The following ZC3H12B variants were observed in gnomAD, a reference collection of about 807,000 sequenced individuals.
The protein encoded by ZC3H12B is zinc finger CCCH-type containing 12B.
A neutral mutation model predicts 43.9 loss-of-function variants in ZC3H12B; 7 were observed. That is an observed-to-expected ratio of 0.16 (90% CI 0.09 to 0.30). The LOEUF (loss-of-function observed/expected upper bound fraction) is 0.30, where lower values mean the gene tolerates loss of function less well. Among genes scored for constraint, ZC3H12B ranks in the 10% least tolerant of loss-of-function variants. The pLI, the probability that ZC3H12B is intolerant of heterozygous loss-of-function variation, is 1.00. For missense variants in ZC3H12B, 475 were observed against 670.2 expected, an observed-to-expected ratio of 0.71 and a Z score of 3.22; for synonymous variants, 222 against 241.7, an observed-to-expected ratio of 0.92 and a Z score of 0.76.
the ZC3H12B span, among the ~76,000 whole-genome samples, chrX:65,267,275 C>G: frequency 2.0e-5 from 2 of 99,676 alleles, no homozygotes; most frequent in East Asian, 6.2e-4. Context: ...GCTGACAAAA[C>G]ACAGTATTCA....
At chrX:65,160,368 T>A in the ZC3H12B span, among the ~76,000 whole-genome samples, 20 of 111,746 alleles carry the variant, frequency 1.8e-4, no homozygotes, top group Non-Finnish European at 3.4e-4. Flanking sequence ...CTGGTAGAAT[T>A]CGGCTGTGAA....
At chrX:65,298,300 A>G in the ZC3H12B span, among the ~76,000 whole-genome samples, 1 of 112,139 alleles carries the variant, frequency 8.9e-6, no homozygotes, top group Non-Finnish European at 1.9e-5. Context: ...CAAATTACCA[A>G]GAAAAAAGAA....
the ZC3H12B span, among the ~76,000 whole-genome samples, chrX:65,171,729 G>A: frequency 9.0e-6 from 1 of 110,910 alleles, no homozygotes. Context: ...AACTACTCAA[G>A]CCTCAGCAAT....
At chrX:65,393,109 C>T (rs370804881) in intron 2 of ZC3H12B, among the ~76,000 whole-genome samples, 17 of 110,956 alleles carry the variant, frequency 1.5e-4, no homozygotes, top group South Asian at 1.2e-3. Context: ...ACAAACACTG[C>T]GGAAGGCCAC....
chrX:65,279,062 G>A, the ZC3H12B span, among the ~76,000 whole-genome samples: 5 of 110,709 alleles, frequency 4.5e-5, no homozygotes, highest in South Asian at 1.9e-3. Context: ...CATTTAGATT[G>A]ATTCCATTCC....
At chrX:65,317,441 C>G in the ZC3H12B span, among the ~76,000 whole-genome samples, 1 of 109,845 alleles carries the variant, frequency 9.1e-6, no homozygotes, top group South Asian at 3.9e-4. Flanking sequence ...AGAGTAAGTT[C>G]TTTAGCTGTG....
chrX:65,388,037 T>G (rs1205985482), intron 2 of ZC3H12B, among the ~76,000 whole-genome samples: 3 of 112,258 alleles, frequency 2.7e-5, no homozygotes, highest in Non-Finnish European at 5.6e-5. Context: ...CTTCCCTTTT[T>G]GGGTAACCTG....
At chrX:65,117,391 A>G in the ZC3H12B span, among the ~76,000 whole-genome samples, 8 of 111,725 alleles carry the variant, frequency 7.2e-5, no homozygotes, top group Middle Eastern at 4.2e-3. Context: ...TCCTTCGCCC[A>G]CTTTTTGATG....
intron 2 of ZC3H12B, among the ~76,000 whole-genome samples, chrX:65,376,073 A>T (rs1432178667): frequency 8.9e-6 from 1 of 111,851 alleles, no homozygotes; most frequent in East Asian, 2.8e-4. Context: ...ACTGCCCTAA[A>T]GGGTGAGTCT....
the ZC3H12B span, among the ~76,000 whole-genome samples, chrX:65,054,552 G>A: frequency 1.8e-5 from 2 of 111,480 alleles, no homozygotes; most frequent in African/African-American, 3.3e-5. Context: ...TTGGCTTAGG[G>A]TTGAATTGGC....
the ZC3H12B span, among the ~76,000 whole-genome samples, chrX:65,299,036 G>A: frequency 1.8e-5 from 2 of 111,691 alleles, no homozygotes; most frequent in Non-Finnish European, 3.8e-5. Context: ...TGGGGATAAT[G>A]GGGATTATGG....
intron 3 of ZC3H12B, among the ~76,000 whole-genome samples, chrX:65,454,236 C>G (rs1287356345): frequency 8.9e-6 from 1 of 112,245 alleles, no homozygotes; most frequent in African/African-American, 3.2e-5. Flanking sequence ...ACTCCCTTTC[C>G]TAGGGGTGAC....
the ZC3H12B span, among the ~76,000 whole-genome samples, chrX:65,166,153 A>C: frequency 9.0e-6 from 1 of 110,773 alleles, no homozygotes. Context: ...CCATTAACTC[A>C]TCATTTACAT....
the ZC3H12B span, among the ~76,000 whole-genome samples, chrX:65,213,766 A>T: frequency 9.1e-6 from 1 of 109,940 alleles, no homozygotes; most frequent in Non-Finnish European, 1.9e-5. Flanking sequence ...TTTATTACTG[A>T]TTTGTAGGCA....
chrX:65,374,097 A>AC lies in ZC3H12B; in HGVS notation n.295+5099_295+5100insC, dbSNP rs1282696360. Among the ~76,000 whole-genome samples, 249 of 58,206 alleles carry AC rather than the reference A, an allele frequency of 4.3e-3. 4 individuals are homozygous for AC. In the African/African-American group the frequency reaches 0.05, roughly 12 times the overall value. 50.5% of individuals were successfully genotyped at this position (58,206 alleles called of 115,157 possible). ...ATATAACTATATATAGTATATATAT[A>AC]ACTATATATAGGTTATATATAACTA... On this transcript the variant is annotated intron_variant and non_coding_transcript_variant, in intron 2 of 5. Transcript: ENST00000617377.
At chrX:65,078,151 A>C in the ZC3H12B span, among the ~76,000 whole-genome samples, 1 of 112,241 alleles carries the variant, frequency 8.9e-6, no homozygotes, top group African/African-American at 3.2e-5. Flanking sequence ...ACAATGGAGG[A>C]AGACCAGGTT....
the ZC3H12B span, among the ~76,000 whole-genome samples, chrX:65,314,330 A>G: frequency 8.9e-6 from 1 of 111,985 alleles, no homozygotes; most frequent in African/African-American, 3.2e-5. Context: ...AGAAATACAA[A>G]GAAAATCACA....
chrX:65,412,851 G>GT (rs34143504), intron 3 of ZC3H12B, among the ~76,000 whole-genome samples: 24 of 109,786 alleles, frequency 2.2e-4, no homozygotes, highest in Admixed American at 3.9e-4. Flanking sequence ...GTTTTGTTTT[G>GT]TTTTTTTTGA....
At chrX:65,175,575 A>G in the ZC3H12B span, among the ~76,000 whole-genome samples, 1 of 111,998 alleles carries the variant, frequency 8.9e-6, no homozygotes, top group African/African-American at 3.2e-5. Flanking sequence ...AATGCAGTCA[A>G]ACTGGTAGCT....
Sources: gnomAD v4.1 joint callset for allele counts (sites outside exome capture counted in the v4.1 genomes callset) on GRCh38, gnomAD v4.1.1 for gene constraint, MANE v1.5 for transcripts, NCBI Gene and HGNC (gene_info 2026-07-23, HGNC 2026-07-21) for gene names.